KDELR2: variants seen among roughly 807,000 people sequenced by gnomAD.
KDELR2 encodes ER lumen protein-retaining receptor 2.
A neutral mutation model predicts 23.9 loss-of-function variants in KDELR2; 15 were observed. That is an observed-to-expected ratio of 0.63 (90% CI 0.42 to 0.97). The LOEUF is 0.97. KDELR2 is among the 50% of genes least tolerant of loss of function. The pLI is 0.00. For synonymous variants in KDELR2, 119 were observed against 106.2 expected, an observed-to-expected ratio of 1.12 and a Z score of -0.74; for missense variants, 272 against 254.6, an observed-to-expected ratio of 1.07 and a Z score of -0.46.
chr7:6,475,483 C>A (rs1054902408), intron 1 of KDELR2, among the ~76,000 whole-genome samples: 6 of 152,124 alleles, frequency 3.9e-5, no homozygotes, highest in African/African-American at 1.4e-4. Flanking sequence ...TAAAAATGTT[C>A]CTGAATGCTA....
chr7:6,475,929 T>C (rs1785741047), intron 1 of KDELR2, among the ~76,000 whole-genome samples: 1 of 152,184 alleles, frequency 6.6e-6, no homozygotes, highest in Non-Finnish European at 1.5e-5. Flanking sequence ...TTTCTTTTTT[T>C]GAGACTGGGT....
chr7:6,484,091 GC>G lies in KDELR2; in HGVS notation c.-35del. ...CGGCGGTGGCGGTCGGCGCAGCGCG[GC>G]GGCCCCGGGGCTGGGCGGCTCAGGA... On this transcript the variant is annotated 5_prime_UTR_variant, in exon 1 of 5. Transcript: ENST00000258739. 7.0e-7 allele frequency: 1 copy of G among 1,418,774 alleles called. No homozygotes were observed. The highest frequency in any genetic ancestry group is 9.3e-7 in the Non-Finnish European group (1 of 1,074,890). 87.9% of individuals were successfully genotyped at this position (1,418,774 alleles called of 1,614,324 possible).
chr7:6,466,851 G>C (rs562758345), intron 3 of KDELR2, among the ~76,000 whole-genome samples: 3 of 152,188 alleles, frequency 2.0e-5, no homozygotes, highest in South Asian at 2.1e-4. Flanking sequence ...ACAGGAGGTG[G>C]AGCTTGGGCA....
At chr7:6,480,707 A>G (rs1269669548) in intron 1 of KDELR2, among the ~76,000 whole-genome samples, 9 of 152,254 alleles carry the variant, frequency 5.9e-5, no homozygotes, top group Admixed American at 5.9e-4. Context: ...AATGAGAAAC[A>G]CAATCTGGAT....
intron 1 of KDELR2, among the ~76,000 whole-genome samples, chr7:6,477,151 G>A (rs1017975862): frequency 2.0e-5 from 3 of 152,220 alleles, no homozygotes; most frequent in African/African-American, 4.8e-5. Context: ...CTAGCTAGAG[G>A]GTGAGAGAGC....
In KDELR2 at chr7:6,474,222, A is replaced by G; in HGVS notation, c.154T>C (p.Phe52Leu). The change falls in exon 2 of 5, where the codon TTT becomes CTT. Residue 52 changes from phenylalanine (F) to leucine (L), a missense_variant. Phe to Leu is a conservative substitution (Grantham distance 22). Coordinates refer to ENST00000258739, the MANE Select transcript of KDELR2 (RefSeq NM_006854.4). ...LVFTTRYLDL[F>L]TSFISLYNTS... ...TTATACAATGAAATAAATGAAGTAA[A>G]AAGATCCAGGTAACGAGTTGTGAAG... The G allele has an allele frequency of 2.5e-6, 4 of 1,613,848 alleles. No homozygotes were observed. The highest frequency in any genetic ancestry group is 3.4e-6 in the Non-Finnish European group (4 of 1,179,700).
At chr7:6,477,197 C>T (rs536724090) in intron 1 of KDELR2, among the ~76,000 whole-genome samples, 75 of 152,282 alleles carry the variant, frequency 4.9e-4, no homozygotes, top group African/African-American at 1.6e-3. Context: ...GGTTTGAAGC[C>T]GGTCCATGGA....
chr7:6,474,117 A>T, intron 2 of KDELR2, 67 bp downstream of exon 2: 1 of 923,614 alleles, frequency 1.1e-6, no homozygotes. Flanking sequence ...CACAGCTGAC[A>T]TAAATTAAGT....
chr7:6,484,150 G>A lies in KDELR2; in HGVS notation c.-93C>T, dbSNP rs905684488. The A allele has an allele frequency of 2.7e-5, 28 of 1,039,412 alleles. No individual in the cohort carries two copies. The highest frequency in any genetic ancestry group is 5.1e-5 in the African/African-American group (3 of 58,904). 64.4% of individuals were successfully genotyped at this position (1,039,412 alleles called of 1,614,324 possible). On this transcript the variant is annotated 5_prime_UTR_variant, in exon 1 of 5. Coordinates refer to ENST00000258739, the MANE Select transcript of KDELR2 (RefSeq NM_006854.4). Reference sequence around the variant, plus strand: ...GCCCCTGAGAGGAAGCGGCGAAGATGGCGAGATCGCCCGCGACGTGGCCAG... The same window carrying A: ...GCCCCTGAGAGGAAGCGGCGAAGATAGCGAGATCGCCCGCGACGTGGCCAG...
chr7:6,468,476 G>A (rs777732694), intron 3 of KDELR2, among the ~76,000 whole-genome samples: 1 of 151,622 alleles, frequency 6.6e-6, no homozygotes, highest in South Asian at 2.1e-4. Flanking sequence ...TTACAGGCGT[G>A]CGATACCACA....
chr7:6,478,080 A>G (rs749117527), intron 1 of KDELR2, among the ~76,000 whole-genome samples: 2 of 151,936 alleles, frequency 1.3e-5, no homozygotes, highest in Non-Finnish European at 2.9e-5. Flanking sequence ...AAATGCAAAG[A>G]CCCTTTCTTC....
chr7:6,477,015 T>C (rs1341412461), intron 1 of KDELR2, among the ~76,000 whole-genome samples: 1 of 152,224 alleles, frequency 6.6e-6, no homozygotes, highest in Non-Finnish European at 1.5e-5. Flanking sequence ...AAAATGGGAT[T>C]CATTTTATCT....
Position 6,466,080 on chromosome 7 carries a change from T to G in KDELR2, c.595A>C (p.Ile199Leu). 6.2e-7 allele frequency: 1 copy of G among 1,614,006 alleles called. No homozygotes were observed. Among genetic ancestry groups the G allele is most frequent in the Non-Finnish European group, 8.5e-7 (1 of 1,179,988 alleles). The change falls in exon 4 of 5, where the codon ATT becomes CTT. Residue 199 changes from isoleucine to leucine, a missense_variant. Physicochemically the swap from Ile to Leu is conservative, Grantham distance 5. Transcript: ENST00000258739. ...GTCGCACCCAACATACCTTTTGTAA[T>G]GTACAAGTAGAAGAAGTCACAGTAT... ...ILYCDFFYLY[I>L]TKVLKGKKLS... is the part of the protein sequence containing the mutation.
At chr7:6,482,731 A>C (rs1785928025) in intron 1 of KDELR2, 1 of 260,598 alleles carries the variant, frequency 3.8e-6, no homozygotes, top group Non-Finnish European at 8.5e-6. Flanking sequence ...TCTTGAGTTC[A>C]ACAAAAATTA....
intron 3 of KDELR2, 109 bp downstream of exon 3, chr7:6,469,487 C>T: frequency 9.9e-7 from 1 of 1,010,384 alleles, no homozygotes. Flanking sequence ...GAACTCCTGA[C>T]CTCATGATCC....
chr7:6,482,661 TAG>T, intron 1 of KDELR2: 4 of 440,936 alleles, frequency 9.1e-6, no homozygotes, highest in South Asian at 6.5e-5. Context: ...ATCAGGTAAA[TAG>T]AGTCTCTGCA....
chr7:6,466,375 C>G, intron 3 of KDELR2, 52 bp from the exon 4 acceptor site: 1 of 1,594,002 alleles, frequency 6.3e-7, no homozygotes. Context: ...ACCAGGAGCT[C>G]AGAGGAAACA....
In KDELR2 at chr7:6,476,326, G is replaced by GT. The variant is rs1242908745; in HGVS notation, c.92-2043dup. The stretch of plus-strand genomic sequence containing the variant: ...TGAATCTGCTCTTAGTCTTTTCCCC[G>GT]TAACGGATAACTGATTTCTTCCTAC... On this transcript the variant is annotated intron_variant, in intron 1 of 4. Transcript: ENST00000258739. 6.6e-5 allele frequency among the ~76,000 whole-genome samples: 10 copies of GT among 152,066 alleles called. No individual in the cohort carries two copies. The East Asian group carries it at 1.9e-3, about 29-fold the overall frequency.
At chr7:6,483,828 G>A (rs1427908268) in intron 1 of KDELR2, 139 bp downstream of exon 1, 2 of 567,728 alleles carry the variant, frequency 3.5e-6, no homozygotes, top group Non-Finnish European at 5.0e-6. Context: ...CCCCGGGTCC[G>A]GGCACCCGTT....
Sources: allele counts gnomAD v4.1 joint callset (sites outside exome capture counted in the v4.1 genomes callset), GRCh38; gene constraint gnomAD v4.1.1; transcripts MANE v1.5; gene names NCBI Gene and HGNC (gene_info 2026-07-23, HGNC 2026-07-21).